TUBB8B: variants seen among roughly 807,000 people sequenced by gnomAD.
TUBB8B encodes the protein tubulin beta 8B, also known as HSA18p11 beta-tubulin 4Q pseudogene.
A neutral mutation model predicts 31.9 loss-of-function variants in TUBB8B; 26 were observed. The ratio of observed to expected loss-of-function variants is 0.81; its 90% CI spans 0.60 to 1.13. The LOEUF (loss-of-function observed/expected upper bound fraction) is 1.13, where lower values mean the gene tolerates loss of function less well. TUBB8B is among the 50% of genes most tolerant of loss of function. The pLI is 0.00. For missense variants in TUBB8B, 467 were observed against 586.7 expected, an observed-to-expected ratio of 0.80 and a Z score of 2.11; for synonymous variants, 173 against 231.0, an observed-to-expected ratio of 0.75 and a Z score of 2.28.
chr18:73,319 T>G, the TUBB8B span: 1 of 165,952 alleles, frequency 6.0e-6, no homozygotes, highest in Non-Finnish European at 1.5e-5. Context: ...CACCTTCGCC[T>G]CGGTGGCCCC....
the TUBB8B span, among the ~76,000 whole-genome samples, chr18:73,007 G>T: frequency 6.6e-6 from 1 of 152,068 alleles, no homozygotes; most frequent in Non-Finnish European, 1.5e-5. Flanking sequence ...CTGATCCGGG[G>T]GTGCCTGTTT....
chr18:66,999 T>TTG, the TUBB8B span, among the ~76,000 whole-genome samples: 2 of 151,294 alleles, frequency 1.3e-5, no homozygotes, highest in Non-Finnish European at 2.9e-5. Context: ...TTTTTTTGTT[T>TTG]TTTTTTTTTT....
the TUBB8B span, among the ~76,000 whole-genome samples, chr18:62,205 G>A: frequency 4.0e-5 from 6 of 151,574 alleles, 1 homozygote; most frequent in African/African-American, 1.4e-4. Flanking sequence ...TCTGCTGTCA[G>A]ATGTATTGGA....
chr18:59,358 G>T, the TUBB8B span, among the ~76,000 whole-genome samples: 5 of 151,560 alleles, frequency 3.3e-5, no homozygotes, highest in African/African-American at 1.2e-4. Flanking sequence ...AGATTTTAGA[G>T]GAAAGGCTTT....
rs539398416 is a variant in TUBB8B, at chr18:48,412, G to C, written c.313C>G (p.Arg105Gly). The C allele has an allele frequency of 6.2e-7, 1 of 1,612,182 alleles. No individual in the cohort carries two copies. The highest frequency in any genetic ancestry group is 2.2e-5 in the East Asian group (1 of 44,882). Residue 105 changes from arginine (R) to glycine (G), a missense_variant, in exon 4 of 4, where the codon CGC (arginine) becomes GGC (glycine). This residue lies in a region of TUBB8B where 259 missense variants were observed against 380.1 expected (regional missense o/e 0.68). Transcript: ENST00000308911. Reference protein sequence around the residue: ...CGAGNNWAKGRYTEGAELTES... With the variant: ...CGAGNNWAKGGYTEGAELTES... The stretch of plus-strand genomic sequence containing the variant: ...GTCAGCTCCGCGCCTTCTGTGTAGC[G>C]TCCCTTGGCCCAGTTGTTTCCGGCC...
rs750057440 is a variant in TUBB8B, at chr18:48,021, C to T, written c.704G>A (p.Gly235Glu). The change falls in exon 4 of 4, where the codon GGG becomes GAG. Residue 235 changes from glycine (G) to glutamate (E), a missense_variant. Physicochemically the swap from Gly to Glu is moderately conservative, Grantham distance 98. This residue lies in a region of TUBB8B where 259 missense variants were observed against 380.1 expected (regional missense o/e 0.68). Coordinates refer to ENST00000308911, the MANE Select transcript of TUBB8B (RefSeq NM_001358689.2). ...LNHLVSATMSGVTTCLRFPGQ... is the reference protein window; with the variant it reads ...LNHLVSATMSEVTTCLRFPGQ... Reference sequence around the variant, plus strand: ...TGGGAAGCGCAGGCATGTGGTGACCCCACTCATGGTAGCAGACACCAGGTG... The same window carrying T: ...TGGGAAGCGCAGGCATGTGGTGACCTCACTCATGGTAGCAGACACCAGGTG... 7.9e-5 allele frequency: 128 copies of T among 1,612,622 alleles called. 1 individual carries two copies. Among genetic ancestry groups the T allele is most frequent in the Non-Finnish European group, 9.9e-5 (117 of 1,179,856 alleles).
chr18:65,254 T>A, the TUBB8B span, among the ~76,000 whole-genome samples: 1 of 151,930 alleles, frequency 6.6e-6, no homozygotes, highest in Non-Finnish European at 1.5e-5. Flanking sequence ...TGAGCTGAGA[T>A]CATGCCATTG....
chr18:68,618 A>C, the TUBB8B span, among the ~76,000 whole-genome samples: 1 of 152,180 alleles, frequency 6.6e-6, no homozygotes, highest in African/African-American at 2.4e-5. Context: ...ACCAGAAAGC[A>C]CAATCCACCC....
the TUBB8B span, among the ~76,000 whole-genome samples, chr18:59,603 G>A: frequency 6.8e-6 from 1 of 147,158 alleles, no homozygotes; most frequent in African/African-American, 2.5e-5. Flanking sequence ...GAGTGCAATG[G>A]CATGATCTCA....
chr18:62,635 A>G, the TUBB8B span, among the ~76,000 whole-genome samples: 1 of 151,588 alleles, frequency 6.6e-6, no homozygotes, highest in Admixed American at 6.6e-5. Context: ...GTTAGCCAGG[A>G]TGGCCTTGAT....
the TUBB8B span, among the ~76,000 whole-genome samples, chr18:69,390 G>A: frequency 0.086 from 12,157 of 141,284 alleles, no homozygotes; most frequent in African/African-American, 0.19. Context: ...CTTGAGCCCG[G>A]GAGGATGCAG....
At chr18:69,690 A>G in the TUBB8B span, among the ~76,000 whole-genome samples, 3 of 152,372 alleles carry the variant, frequency 2.0e-5, no homozygotes, top group East Asian at 5.8e-4. Context: ...AAAATAATTA[A>G]AGCTTGTCAT....
the TUBB8B span, among the ~76,000 whole-genome samples, chr18:56,423 T>C: frequency 6.6e-6 from 1 of 151,848 alleles, no homozygotes; most frequent in East Asian, 1.9e-4. Flanking sequence ...TATGGACATT[T>C]TTTAAAATAC....
chr18:60,271 A>G, the TUBB8B span, among the ~76,000 whole-genome samples: 2 of 151,782 alleles, frequency 1.3e-5, no homozygotes, highest in African/African-American at 4.8e-5. Flanking sequence ...TTGGCATACA[A>G]TTACTTATAG....
chr18:65,073 G>C, the TUBB8B span, among the ~76,000 whole-genome samples: 1 of 152,116 alleles, frequency 6.6e-6, no homozygotes, highest in Non-Finnish European at 1.5e-5. Flanking sequence ...GGCCAAGGCA[G>C]ACAGATTACC....
the TUBB8B span, among the ~76,000 whole-genome samples, chr18:56,556 C>A: frequency 2.0e-5 from 3 of 151,736 alleles, no homozygotes; most frequent in Admixed American, 2.0e-4. Flanking sequence ...TAAATTCCCA[C>A]ACATTTTGTT....
rs367958683 is a variant in TUBB8B, at chr18:47,437, C to T, written c.1288G>A (p.Ala430Thr). ...TACTCCTCATCCTCCTCCTCCTCGG[C>T]CGTGGCATCCTGATATTGCTGATAT... ...SEYQQYQDATAEEEEDEEYAE... is the reference protein window; with the variant it reads ...SEYQQYQDATTEEEEDEEYAE... The change falls in exon 4 of 4, where the codon GCC becomes ACC. Residue 430 changes from alanine (A) to threonine (T), a missense_variant. This residue lies in a region of TUBB8B where 208 missense variants were observed against 206.7 expected (regional missense o/e 1.01). Coordinates refer to ENST00000308911, the MANE Select transcript of TUBB8B (RefSeq NM_001358689.2). 1.5e-3 allele frequency: 2,022 copies of T among 1,368,480 alleles called. 61 individuals are homozygous for T. The East Asian group carries it at 0.039, about 26-fold the overall frequency. The allele number at this position is 1,368,480 out of a possible 1,614,324, so 84.8% of individuals were successfully genotyped here.
At chr18:62,717 G>A in the TUBB8B span, among the ~76,000 whole-genome samples, 1 of 151,702 alleles carries the variant, frequency 6.6e-6, no homozygotes, top group Non-Finnish European at 1.5e-5. Context: ...CACTGCACTG[G>A]GCCAATAAAT....
upstream of TUBB8B, among the ~76,000 whole-genome samples, chr18:53,490 G>A (rs938927687): frequency 1.3e-5 from 2 of 151,784 alleles, no homozygotes; most frequent in African/African-American, 4.8e-5. Flanking sequence ...ATCGTTTTGA[G>A]ACAGAGTCTT....
Sources: gnomAD v4.1 joint callset for allele counts (sites outside exome capture counted in the v4.1 genomes callset) on GRCh38, gnomAD v4.1.1 for gene constraint, gnomAD v4.1.1 regional missense constraint, MANE v1.5 for transcripts, NCBI Gene and HGNC (gene_info 2026-07-23, HGNC 2026-07-21) for gene names.